The following C11orf65 variants were observed in gnomAD, a reference collection of about 807,000 sequenced individuals.
C11orf65 encodes the protein protein MFI.
In C11orf65, 38 loss-of-function variants were observed where a neutral mutation model predicts 35.3. That is an observed-to-expected ratio of 1.08 (90% CI 0.83 to 1.41). The LOEUF (loss-of-function observed/expected upper bound fraction) is 1.41. Ranked by LOEUF, C11orf65 falls within the 40% of genes most tolerant of loss-of-function variation. The pLI, the probability that C11orf65 is intolerant of heterozygous loss-of-function variation, is 0.00. For synonymous variants in C11orf65, 105 were observed against 114.4 expected (o/e 0.92, Z 0.53); for missense variants, 370 against 367.1 (o/e 1.01, Z -0.06).
chr11:108,385,971 T>G lies in C11orf65; in HGVS notation c.736A>C (p.Ile246Leu), dbSNP rs2091988258. 2 of 1,613,344 alleles carry G rather than the reference T, an allele frequency of 1.2e-6. No homozygotes were observed. Among genetic ancestry groups the G allele is most frequent in the Admixed American group, 1.7e-5 (1 of 59,984 alleles). ...GTAGCAATTTCCTTCCAGCTGGCAA[T>G]GTACCTAAGCACATTATATGAGGAT... Reference protein sequence around the residue: ...WTNTLNFDEYIASWKEIATSN... With the variant: ...WTNTLNFDEYLASWKEIATSN... The change falls in exon 8 of 9, where the codon ATT becomes CTT. Residue 246 changes from isoleucine to leucine, a missense_variant. Coordinates refer to ENST00000393084, the MANE Select transcript of C11orf65 (RefSeq NM_152587.5).
At chr11:108,455,751 G>A (rs1254428243) in intron 2 of C11orf65, among the ~76,000 whole-genome samples, 1 of 144,430 alleles carries the variant, frequency 6.9e-6, no homozygotes. Context: ...AGGAAGCGGT[G>A]GTTGCAGTGA....
intron 2 of C11orf65, among the ~76,000 whole-genome samples, chr11:108,453,166 A>AAAGAAAAAAG (rs2093372705): frequency 6.9e-6 from 1 of 145,492 alleles, no homozygotes; most frequent in Admixed American, 7.2e-5. Context: ...AAGAAAAAAG[A>AAAGAAAAAAG]AAAAAAAAAG....
At chr11:108,466,018 G>A (rs2093532734) in intron 1 of C11orf65, among the ~76,000 whole-genome samples, 1 of 150,552 alleles carries the variant, frequency 6.6e-6, no homozygotes, top group African/African-American at 2.4e-5. Context: ...AACAAAAAAC[G>A]ACAGATTCTA....
chr11:108,375,782 T>C (rs2091705765), intron 2 of C11orf65, among the ~76,000 whole-genome samples: 1 of 151,618 alleles, frequency 6.6e-6, no homozygotes, highest in Non-Finnish European at 1.5e-5. Flanking sequence ...AATAAAAGGA[T>C]GGAGGAAGAT....
At chr11:108,356,874 C>G (rs907675499) in intron 2 of C11orf65, among the ~76,000 whole-genome samples, 1 of 152,174 alleles carries the variant, frequency 6.6e-6, no homozygotes, top group Non-Finnish European at 1.5e-5. Context: ...GGTTTTGAGT[C>G]TGAAAAGTGA....
chr11:108,402,309 C>A (rs1461556630), intron 6 of C11orf65, among the ~76,000 whole-genome samples: 1 of 152,176 alleles, frequency 6.6e-6, no homozygotes, highest in African/African-American at 2.4e-5. Flanking sequence ...GTTCAAGATT[C>A]TTAGCCTTGT....
At chr11:108,326,881 A>G (rs1425948472), downstream of C11orf65, among the ~76,000 whole-genome samples, 1 of 152,148 alleles carries the variant, frequency 6.6e-6, no homozygotes, top group Admixed American at 6.6e-5. Flanking sequence ...GCTGGAGTGC[A>G]GTGGTACGAC....
intron 7 of C11orf65, among the ~76,000 whole-genome samples, chr11:108,389,571 G>T (rs1477064317): frequency 6.6e-6 from 1 of 152,072 alleles, no homozygotes; most frequent in Non-Finnish European, 1.5e-5. Context: ...TTTTTTAATG[G>T]AAATTTTCAG....
intron 2 of C11orf65, among the ~76,000 whole-genome samples, chr11:108,449,894 A>T (rs1310927352): frequency 1.3e-5 from 2 of 151,980 alleles, no homozygotes; most frequent in Non-Finnish European, 2.9e-5. Context: ...TCATCTGACA[A>T]AGGGCTAATA....
chr11:108,447,034 G>T (rs2093273122), intron 2 of C11orf65, among the ~76,000 whole-genome samples: 1 of 152,148 alleles, frequency 6.6e-6, no homozygotes, highest in African/African-American at 2.4e-5. Context: ...AAGAGACAAA[G>T]AAGGCCATTA....
At chr11:108,372,838 A>G (rs2091608713) in intron 2 of C11orf65, among the ~76,000 whole-genome samples, 2 of 152,178 alleles carry the variant, frequency 1.3e-5, no homozygotes, top group African/African-American at 2.4e-5. Flanking sequence ...GCACTTTGGG[A>G]GGCCAAGGTG....
intron 3 of C11orf65, among the ~76,000 whole-genome samples, chr11:108,417,844 C>G (rs1238987977): frequency 4.6e-5 from 7 of 151,840 alleles, no homozygotes; most frequent in Non-Finnish European, 1.0e-4. Context: ...TGCAGCAAAC[C>G]ACCATGGCAA....
At chr11:108,384,786 A>G (rs2091950248) in intron 8 of C11orf65, among the ~76,000 whole-genome samples, 1 of 152,048 alleles carries the variant, frequency 6.6e-6, no homozygotes, top group South Asian at 2.1e-4. Context: ...AACAAAAACA[A>G]AAACAAACAA....
In C11orf65 at chr11:108,331,523, T is replaced by C. The variant is rs765654550; in HGVS notation, c.*27A>G. The C allele has an allele frequency of 1.9e-6, 3 of 1,613,360 alleles. No homozygotes were observed. Among genetic ancestry groups the C allele is most frequent in the South Asian group, 1.1e-5 (1 of 91,004 alleles). ...GCTGCTAGAATGGGGACCAAGATGA[T>C]GGGAGGCCTAGGATTTCATGAAGTC... On this transcript the variant is annotated 3_prime_UTR_variant, in exon 4 of 4. Transcript: ENST00000524755.
At chr11:108,430,253 C>A (rs928963712) in intron 3 of C11orf65, among the ~76,000 whole-genome samples, 3 of 150,226 alleles carry the variant, frequency 2.0e-5, no homozygotes, top group African/African-American at 7.3e-5. Flanking sequence ...CTCAGCCTCC[C>A]GAGTAGCTGG....
At chr11:108,354,345 T>C (rs904299026) in intron 2 of C11orf65, among the ~76,000 whole-genome samples, 2 of 152,166 alleles carry the variant, frequency 1.3e-5, no homozygotes, top group Non-Finnish European at 2.9e-5. Flanking sequence ...CAAACTACTA[T>C]TGGGTGCTCA....
At chr11:108,364,612 C>T (rs2091141800) in intron 2 of C11orf65, among the ~76,000 whole-genome samples, 1 of 152,132 alleles carries the variant, frequency 6.6e-6, no homozygotes, top group African/African-American at 2.4e-5. Context: ...ATCAGAATTT[C>T]AGATTTGTTA....
At chr11:108,343,455 CAAAA>C (rs923031156) in intron 2 of C11orf65, 1 of 1,520,404 alleles carries the variant, frequency 6.6e-7, no homozygotes, top group African/African-American at 1.4e-5. Flanking sequence ...TTATAGAATA[CAAAA>C]AAACTTTAAT....
chr11:108,359,906 C>A (rs1170437859), intron 2 of C11orf65, among the ~76,000 whole-genome samples: 1 of 152,050 alleles, frequency 6.6e-6, no homozygotes, highest in African/African-American at 2.4e-5. Context: ...GAAGAGCAAA[C>A]ACATTCAAAA....
Sources: allele counts gnomAD v4.1 joint callset (sites outside exome capture counted in the v4.1 genomes callset), GRCh38; gene constraint gnomAD v4.1.1; transcripts MANE v1.5; gene names NCBI Gene and HGNC (gene_info 2026-07-23, HGNC 2026-07-21).